Variants in SOX5 observed in about 807,000 individuals in gnomAD.
SOX5 encodes the protein transcription factor SOX-5.
SOX5 carries 9 observed loss-of-function variants against 92.0 expected under a neutral mutation model. That is an observed-to-expected ratio of 0.10 (90% CI 0.06 to 0.17). The LOEUF is 0.17. Among genes scored for constraint, SOX5 ranks in the 10% least tolerant of loss-of-function variants. The pLI is 1.00. For synonymous variants in SOX5, 344 were observed against 336.3 expected (o/e 1.02, Z -0.25); for missense variants, 642 against 944.5 (o/e 0.68, Z 4.20).
At chr12:24,343,016 C>T (rs950938654) in intron 2 of SOX5, among the ~76,000 whole-genome samples, 3 of 152,222 alleles carry the variant, frequency 2.0e-5, no homozygotes, top group Non-Finnish European at 2.9e-5. Context: ...CCCACACCCA[C>T]CTTTTTAAAC....
Position 24,284,960 on chromosome 12 carries a change from T to C in SOX5, c.-173-7648A>G, listed in dbSNP as rs186234772. Among the ~76,000 whole-genome samples the C allele has an allele frequency of 6.2e-3, 950 of 152,018 alleles. 5 individuals are homozygous for C. The highest frequency in any genetic ancestry group is 9.5e-3 in the Non-Finnish European group (644 of 67,944). On this transcript the variant is annotated intron_variant, in intron 2 of 4. Coordinates refer to the SOX5 transcript ENST00000446891. ...ACCAACATGGTGAAACCCCATCTCT[T>C]CTAAAAATACAAAAATTAGCTGGGC... is the stretch of plus-strand genomic sequence containing the variant.
intron 1 of SOX5, among the ~76,000 whole-genome samples, chr12:23,907,499 A>G (rs1247163459): frequency 1.3e-5 from 2 of 152,212 alleles, no homozygotes; most frequent in Non-Finnish European, 2.9e-5. Context: ...ACCCATGAAA[A>G]GGAAACTCAA....
intron 4 of SOX5, 82 bp from the exon 5 acceptor site, chr12:23,741,121 G>C (rs372852332): frequency 1.0e-6 from 1 of 992,630 alleles, no homozygotes; most frequent in South Asian, 2.6e-5. Flanking sequence ...GTTGTATACA[G>C]AGCCAGTCCA....
chr12:24,301,442 C>A (rs995145461), intron 2 of SOX5, among the ~76,000 whole-genome samples: 2 of 152,066 alleles, frequency 1.3e-5, no homozygotes, highest in Non-Finnish European at 2.9e-5. Context: ...ATGAATGTAT[C>A]TCATAATATC....
intron 7 of SOX5, among the ~76,000 whole-genome samples, chr12:23,656,767 T>C (rs1014472744): frequency 5.3e-5 from 8 of 151,784 alleles, no homozygotes; most frequent in Non-Finnish European, 1.2e-4. Context: ...TAAATATTTT[T>C]ATATAAATAT....
intron 2 of SOX5, among the ~76,000 whole-genome samples, chr12:23,890,403 T>A (rs1595412370): frequency 6.6e-6 from 1 of 151,942 alleles, no homozygotes; most frequent in South Asian, 2.1e-4. Flanking sequence ...AGATAAAATA[T>A]GCTTTTTATT....
Position 24,454,662 on chromosome 12 carries a change from T to C in SOX5, c.-250-86023A>G, listed in dbSNP as rs947230213. ...ACCTCTGGTTTTTAAAAATTTCTTC[T>C]TCAATGCACTGTCATTCTGAATTTT... is the stretch of plus-strand genomic sequence containing the variant. On this transcript the variant is annotated intron_variant, in intron 1 of 4. Transcript: ENST00000446891. 2.3e-4 allele frequency among the ~76,000 whole-genome samples: 35 copies of C among 152,346 alleles called. 1 individual carries two copies. The highest frequency in any genetic ancestry group is 2.3e-3 in the Admixed American group (35 of 15,300).
intron 4 of SOX5, among the ~76,000 whole-genome samples, chr12:24,002,358 C>A (rs1951692308): frequency 6.6e-6 from 1 of 151,616 alleles, no homozygotes; most frequent in African/African-American, 2.4e-5. Flanking sequence ...CCTATATTAC[C>A]AAATGAAGGA....
intron 1 of SOX5, among the ~76,000 whole-genome samples, chr12:23,910,433 G>T (rs564925445): frequency 2.0e-5 from 3 of 152,040 alleles, no homozygotes; most frequent in African/African-American, 7.2e-5. Flanking sequence ...AAGATTTCCC[G>T]CAGGTTTAAA....
At chr12:23,845,679 A>T (rs1483337650) in intron 3 of SOX5, among the ~76,000 whole-genome samples, 1 of 152,168 alleles carries the variant, frequency 6.6e-6, no homozygotes, top group African/African-American at 2.4e-5. Flanking sequence ...TAGGCTGCAG[A>T]TATTTGACAA....
At chr12:24,262,289 G>A (rs1942242122) in intron 3 of SOX5, among the ~76,000 whole-genome samples, 1 of 152,100 alleles carries the variant, frequency 6.6e-6, no homozygotes, top group Non-Finnish European at 1.5e-5. Context: ...CTAAACATAG[G>A]TCTTAGAAAC....
In SOX5 at chr12:24,181,296, C is replaced by A. The variant is rs187411519; in HGVS notation, c.-2+32047G>T. Among the ~76,000 whole-genome samples, 11 of 152,292 alleles carry A rather than the reference C, an allele frequency of 7.2e-5. No homozygotes were observed. In the East Asian group the frequency reaches 1.9e-3, roughly 27 times the overall value. On this transcript the variant is annotated intron_variant, in intron 4 of 4. Coordinates refer to the SOX5 transcript ENST00000446891. ...GCCTACTTAACTTTGGTTGGATTCT[C>A]TTCTCTACTCTCATAGGTTTGATCA... is the stretch of plus-strand genomic sequence containing the variant.
chr12:24,517,044 T>A (rs1159707677), intron 1 of SOX5, among the ~76,000 whole-genome samples: 1 of 152,138 alleles, frequency 6.6e-6, no homozygotes, highest in African/African-American at 2.4e-5. Context: ...CAACCTAAAA[T>A]ATACATTAGT....
At chr12:24,503,712 A>T (rs1463889587) in intron 1 of SOX5, among the ~76,000 whole-genome samples, 1 of 152,184 alleles carries the variant, frequency 6.6e-6, no homozygotes, top group African/African-American at 2.4e-5. Flanking sequence ...ATTCTCAGCA[A>T]ACTAACTCAG....
chr12:24,549,792 G>C (rs1023180111), intron 1 of SOX5, among the ~76,000 whole-genome samples: 3 of 152,120 alleles, frequency 2.0e-5, no homozygotes, highest in Non-Finnish European at 2.9e-5. Flanking sequence ...ATCCATGTGT[G>C]GTACCCAGGC....
intron 9 of SOX5, among the ~76,000 whole-genome samples, chr12:23,601,571 ACCC>A (rs1223592590): frequency 1.3e-5 from 2 of 152,172 alleles, no homozygotes; most frequent in African/African-American, 4.8e-5. Flanking sequence ...CACAGAAAAT[ACCC>A]CCAAGACATT....
chr12:24,469,756 T>G (rs1944601341), intron 1 of SOX5, among the ~76,000 whole-genome samples: 1 of 152,206 alleles, frequency 6.6e-6, no homozygotes, highest in Non-Finnish European at 1.5e-5. Flanking sequence ...ATTACCATAC[T>G]GGGTATCCAC....
chr12:24,193,626 C>T (rs907197196), intron 4 of SOX5, among the ~76,000 whole-genome samples: 1 of 152,036 alleles, frequency 6.6e-6, no homozygotes, highest in Non-Finnish European at 1.5e-5. Context: ...TTGTGTTTGG[C>T]TAATATTGAG....
At chr12:24,107,800 T>A (rs1442002129) in intron 4 of SOX5, among the ~76,000 whole-genome samples, 2 of 152,188 alleles carry the variant, frequency 1.3e-5, no homozygotes, top group Non-Finnish European at 2.9e-5. Context: ...CAGCTTTACC[T>A]GCATCTGTTC....
Sources: gnomAD v4.1 joint callset for allele counts (sites outside exome capture counted in the v4.1 genomes callset) on GRCh38, gnomAD v4.1.1 for gene constraint, MANE v1.5 for transcripts, NCBI Gene and HGNC (gene_info 2026-07-23, HGNC 2026-07-21) for gene names.